The following RPS6KC1 variants were observed in gnomAD, a reference collection of about 807,000 sequenced individuals.
The protein encoded by RPS6KC1 is ribosomal protein S6 kinase C1, also known as inactive ribosomal protein S6 kinase delta-1.
A neutral mutation model predicts 103.8 loss-of-function variants in RPS6KC1; 54 were observed. The observed-to-expected ratio is 0.52, with a 90% confidence interval of 0.42 to 0.65. The LOEUF is 0.65. RPS6KC1 is among the 30% of genes least tolerant of loss of function. RPS6KC1 has a pLI of 0.00. For missense variants in RPS6KC1, 1,151 were observed against 1,253.8 expected (o/e 0.92, Z 1.24); for synonymous variants, 439 against 438.7 (o/e 1.00, Z -0.01).
the RPS6KC1 span, among the ~76,000 whole-genome samples, chr1:213,558,499 T>C: frequency 6.6e-6 from 1 of 152,206 alleles, no homozygotes; most frequent in Non-Finnish European, 1.5e-5. Flanking sequence ...AAAGCAACAC[T>C]GTAGCCAATG....
At chr1:213,376,459 G>A in the RPS6KC1 span, among the ~76,000 whole-genome samples, 1 of 151,502 alleles carries the variant, frequency 6.6e-6, no homozygotes, top group Admixed American at 6.6e-5. Context: ...GCTATCATGA[G>A]TAATGCGATG....
chr1:213,715,891 C>T, the RPS6KC1 span, among the ~76,000 whole-genome samples: 2 of 152,322 alleles, frequency 1.3e-5, no homozygotes, highest in East Asian at 3.9e-4. Context: ...GGTCCATTGT[C>T]TCCAAATGCC....
chr1:213,468,387 C>T, the RPS6KC1 span, among the ~76,000 whole-genome samples: 1 of 152,226 alleles, frequency 6.6e-6, no homozygotes, highest in Admixed American at 6.5e-5. Flanking sequence ...TGTCCAATTT[C>T]TAGTCCTGCC....
the RPS6KC1 span, among the ~76,000 whole-genome samples, chr1:213,760,618 G>A: frequency 6.6e-6 from 1 of 152,168 alleles, no homozygotes; most frequent in African/African-American, 2.4e-5. Context: ...TTTGTTTCAG[G>A]AAAATATGTA....
intron 6 of RPS6KC1, among the ~76,000 whole-genome samples, chr1:213,130,759 A>T (rs975985180): frequency 6.6e-6 from 1 of 152,138 alleles, no homozygotes; most frequent in South Asian, 2.1e-4. Context: ...GGAGGGTCCT[A>T]ACTGCTTCTT....
At chr1:213,370,947 T>TA in the RPS6KC1 span, among the ~76,000 whole-genome samples, 1 of 152,216 alleles carries the variant, frequency 6.6e-6, no homozygotes, top group African/African-American at 2.4e-5. Flanking sequence ...ACAGTGTGGT[T>TA]ATTTTTAATT....
intron 3 of RPS6KC1, among the ~76,000 whole-genome samples, chr1:213,082,179 G>C (rs1420472108): frequency 6.6e-6 from 1 of 152,024 alleles, no homozygotes; most frequent in Admixed American, 6.6e-5. Context: ...CCAGCACTTT[G>C]GGAGGCGTAG....
chr1:213,787,894 T>C, the RPS6KC1 span, among the ~76,000 whole-genome samples: 1 of 152,078 alleles, frequency 6.6e-6, no homozygotes, highest in Non-Finnish European at 1.5e-5. Flanking sequence ...CTGATCTTTG[T>C]ACAGTCAAGA....
intron 6 of RPS6KC1, among the ~76,000 whole-genome samples, chr1:213,142,611 A>T (rs940016852): frequency 1.3e-5 from 2 of 151,976 alleles, no homozygotes; most frequent in African/African-American, 4.8e-5. Flanking sequence ...CATTGGTTTC[A>T]CAGGGTTGCA....
chr1:213,758,578 CAAA>C, the RPS6KC1 span, among the ~76,000 whole-genome samples: 3 of 101,700 alleles, frequency 2.9e-5, no homozygotes, highest in Non-Finnish European at 4.1e-5. Context: ...GACTCTGTCT[CAAA>C]AAAAAAAAAA....
At chr1:213,613,902 C>T in the RPS6KC1 span, among the ~76,000 whole-genome samples, 1 of 152,200 alleles carries the variant, frequency 6.6e-6, no homozygotes, top group Non-Finnish European at 1.5e-5. Flanking sequence ...TAAGCCTTCA[C>T]CAGATGACAA....
chr1:213,080,083 A>C (rs1482941783), intron 3 of RPS6KC1, among the ~76,000 whole-genome samples: 1 of 151,428 alleles, frequency 6.6e-6, no homozygotes, highest in Non-Finnish European at 1.5e-5. Context: ...CGCCTAGCTA[A>C]TTTTTTGTAT....
the RPS6KC1 span, among the ~76,000 whole-genome samples, chr1:213,535,359 A>G: frequency 2.0e-5 from 3 of 152,350 alleles, no homozygotes; most frequent in East Asian, 5.8e-4. Flanking sequence ...AGTGGCCAGA[A>G]AAGAACGGAA....
chr1:213,176,168 A>G (rs948191761), intron 7 of RPS6KC1, among the ~76,000 whole-genome samples: 6 of 152,094 alleles, frequency 3.9e-5, no homozygotes, highest in Non-Finnish European at 7.4e-5. Flanking sequence ...AATTTTTTCA[A>G]TGTTATGATT....
the RPS6KC1 span, among the ~76,000 whole-genome samples, chr1:213,653,567 T>G: frequency 1.3e-5 from 2 of 152,234 alleles, no homozygotes; most frequent in African/African-American, 2.4e-5. Flanking sequence ...TTTAAATTTT[T>G]CTTTATGTTC....
the RPS6KC1 span, among the ~76,000 whole-genome samples, chr1:213,688,953 CT>C: frequency 6.6e-6 from 1 of 152,190 alleles, no homozygotes; most frequent in Non-Finnish European, 1.5e-5. Context: ...ACTAACAATA[CT>C]TTTTTTCACG....
the RPS6KC1 span, chr1:213,492,363 G>T: frequency 6.6e-6 from 1 of 152,224 alleles, no homozygotes; most frequent in Non-Finnish European, 1.5e-5. Context: ...AGCTCAAACG[G>T]ACACATGAGA....
At chr1:213,438,172 C>T in the RPS6KC1 span, among the ~76,000 whole-genome samples, 1 of 152,204 alleles carries the variant, frequency 6.6e-6, no homozygotes, top group Admixed American at 6.5e-5. Context: ...TTTCTGGTGA[C>T]ATTTCCGTTT....
At chr1:213,249,039 T>A (rs559590803) in intron 12 of RPS6KC1, among the ~76,000 whole-genome samples, 1 of 152,330 alleles carries the variant, frequency 6.6e-6, no homozygotes, top group East Asian at 1.9e-4. Context: ...CCAAACCTTT[T>A]TTCTTGATGA....
Sources: allele counts gnomAD v4.1 joint callset (sites outside exome capture counted in the v4.1 genomes callset), GRCh38; gene constraint gnomAD v4.1.1; transcripts MANE v1.5; gene names NCBI Gene and HGNC (gene_info 2026-07-23, HGNC 2026-07-21).